Variants in ZNF407 observed in about 807,000 individuals in gnomAD.
The protein encoded by ZNF407 is zinc finger protein 407.
ZNF407 carries 17 observed loss-of-function variants against 131.2 expected under a neutral mutation model. The ratio of observed to expected loss-of-function variants is 0.13; its 90% CI spans 0.09 to 0.19. The LOEUF (loss-of-function observed/expected upper bound fraction) is 0.19, where lower values mean the gene tolerates loss of function less well. ZNF407 is among the 10% of genes least tolerant of loss of function. The pLI is 1.00. For missense variants in ZNF407, 2,681 were observed against 2,830.6 expected (o/e 0.95, Z 1.20); for synonymous variants, 1,156 against 1,062.0 (o/e 1.09, Z -1.72).
At chr18:74,609,160 G>A (rs1392114722) in intron 1 of ZNF407, among the ~76,000 whole-genome samples, 3 of 152,188 alleles carry the variant, frequency 2.0e-5, no homozygotes, top group Non-Finnish European at 4.4e-5. Flanking sequence ...CAATCAATCA[G>A]TATTGAATTG....
At position 74,632,581 on chromosome 18, in the gene ZNF407, C is replaced by G. The variant is rs1421486765; in HGVS notation, c.1562C>G (p.Ala521Gly). ...SGLHSLTVKP[A>G]SGSQTLCACT... The stretch of plus-strand genomic sequence containing the variant: ...CTGCATTCCCTGACAGTGAAGCCAG[C>G]TTCTGGCTCTCAGACGTTGTGTGCT... Residue 521 changes from alanine to glycine, a missense_variant, in exon 2 of 9, where the codon GCT becomes GGT. Physicochemically the swap from Ala to Gly is moderately conservative, Grantham distance 60. Transcript: ENST00000299687. 1.2e-6 allele frequency: 2 copies of G among 1,613,916 alleles called. No individual in the cohort carries two copies. Among genetic ancestry groups the G allele is most frequent in the Non-Finnish European group, 8.5e-7 (1 of 1,179,908 alleles).
chr18:74,986,853 CTTAG>C (rs1005829445), intron 8 of ZNF407, among the ~76,000 whole-genome samples: 2 of 151,934 alleles, frequency 1.3e-5, no homozygotes, highest in African/African-American at 4.8e-5. Context: ...TATTTTTTCT[CTTAG>C]TTATATTATT....
At chr18:74,761,398 A>G (rs1221798311) in intron 3 of ZNF407, among the ~76,000 whole-genome samples, 1 of 152,066 alleles carries the variant, frequency 6.6e-6, no homozygotes, top group Admixed American at 6.6e-5. Context: ...ATTTTAGCTT[A>G]TATTAGCCCT....
At chr18:74,616,121 C>T (rs1983279822) in intron 1 of ZNF407, among the ~76,000 whole-genome samples, 1 of 152,154 alleles carries the variant, frequency 6.6e-6, no homozygotes, top group South Asian at 2.1e-4. Flanking sequence ...ATTCAGCATA[C>T]ATTAACCAGT....
chr18:74,841,595 C>T (rs1053856535), intron 4 of ZNF407, among the ~76,000 whole-genome samples: 8 of 152,184 alleles, frequency 5.3e-5, no homozygotes, highest in East Asian at 1.9e-4. Context: ...GTGACTGCTA[C>T]GTAAAAGGCC....
At chr18:74,870,815 A>G (rs1040132472) in intron 4 of ZNF407, among the ~76,000 whole-genome samples, 3 of 152,180 alleles carry the variant, frequency 2.0e-5, no homozygotes, top group African/African-American at 7.2e-5. Flanking sequence ...TTTATTTTCC[A>G]TCTAACGTTG....
chr18:74,885,173 A>G (rs1000948615), intron 6 of ZNF407, among the ~76,000 whole-genome samples: 2 of 152,176 alleles, frequency 1.3e-5, no homozygotes, highest in East Asian at 1.9e-4. Context: ...TAATCATAAT[A>G]GTATCTTGGG....
At chr18:74,643,408 A>G (rs1189972609) in intron 3 of ZNF407, among the ~76,000 whole-genome samples, 2 of 152,054 alleles carry the variant, frequency 1.3e-5, no homozygotes, top group Non-Finnish European at 2.9e-5. Context: ...TTTGTCACAA[A>G]CAGAAGGTCC....
chr18:74,728,965 T>C (rs1231615228), intron 3 of ZNF407, among the ~76,000 whole-genome samples: 2 of 152,238 alleles, frequency 1.3e-5, no homozygotes, highest in Admixed American at 6.5e-5. Context: ...GTCACTGTTA[T>C]GTCAGCAGCT....
At chr18:74,945,366 G>A (rs887076686) in intron 8 of ZNF407, among the ~76,000 whole-genome samples, 162 of 152,218 alleles carry the variant, frequency 1.1e-3, no homozygotes, top group African/African-American at 3.9e-3. Flanking sequence ...ACATTTTTCT[G>A]TTGATGTTTC....
intron 3 of ZNF407, among the ~76,000 whole-genome samples, chr18:74,706,940 C>CCTTTTT (rs1967637808): frequency 2.3e-5 from 3 of 132,350 alleles, no homozygotes; most frequent in Non-Finnish European, 4.8e-5. Context: ...AAGACAGCAG[C>CCTTTTT]TTTTTTTTTT....
At position 74,757,883 on chromosome 18, in the gene ZNF407, C is replaced by T. The variant is rs181622294; in HGVS notation, c.4803-23545C>T. Among the ~76,000 whole-genome samples the T allele has an allele frequency of 3.1e-3, 470 of 152,166 alleles. 5 individuals are homozygous for T. Among genetic ancestry groups the T allele is most frequent in the East Asian group, 3.3e-3 (17 of 5,188 alleles). The stretch of plus-strand genomic sequence containing the variant: ...ACTTTTTGTTATAAATGTTCTCCCC[C>T]GTTTTTTGGCTTCTAGTAACAATCT... On this transcript the variant is annotated intron_variant, in intron 3 of 8. Transcript: ENST00000299687.
At chr18:74,849,392 C>A (rs1482497562) in intron 4 of ZNF407, among the ~76,000 whole-genome samples, 1 of 151,992 alleles carries the variant, frequency 6.6e-6, no homozygotes, top group Non-Finnish European at 1.5e-5. Flanking sequence ...CTTTGCTTTT[C>A]TAAGCACAGC....
At chr18:74,683,638 A>G in intron 3 of ZNF407, among the ~76,000 whole-genome samples, 1 of 152,194 alleles carries the variant, frequency 6.6e-6, no homozygotes, top group East Asian at 1.9e-4. Context: ...ACACTTGTAG[A>G]ACATACAAAC....
chr18:74,728,659 G>T (rs548272927), intron 3 of ZNF407, among the ~76,000 whole-genome samples: 30 of 152,300 alleles, frequency 2.0e-4, no homozygotes, highest in African/African-American at 7.2e-4. Flanking sequence ...AGTGCCTGAG[G>T]CTTGTGAGGA....
Position 74,677,416 on chromosome 18 carries a change from G to A in ZNF407, c.4802+36294G>A, listed in dbSNP as rs118082160. ...ATCTTTTAATTTATTCTAAATCTTT[G>A]AGGTATTTGTGATAGAATTCCTTCT... On this transcript the variant is annotated intron_variant, in intron 3 of 8. Coordinates refer to ENST00000299687, the MANE Select transcript of ZNF407 (RefSeq NM_017757.3). Among the ~76,000 whole-genome samples the A allele has an allele frequency of 5.8e-4, 89 of 152,194 alleles. 1 individual carries two copies. In the East Asian group the frequency reaches 0.017, roughly 29 times the overall value.
At chr18:74,750,075 T>C (rs912533160) in intron 3 of ZNF407, among the ~76,000 whole-genome samples, 6 of 152,206 alleles carry the variant, frequency 3.9e-5, no homozygotes, top group Non-Finnish European at 8.8e-5. Context: ...TTGGCACATA[T>C]GTAAGCTTCT....
intron 8 of ZNF407, among the ~76,000 whole-genome samples, chr18:74,994,848 GAC>G (rs1972761789): frequency 1.3e-5 from 2 of 152,168 alleles, no homozygotes; most frequent in Non-Finnish European, 2.9e-5. Context: ...TGACTTTGAA[GAC>G]AGAGTTGAGA....
rs1306951194 is a variant in ZNF407, at chr18:74,635,334, A to G, written c.4315A>G (p.Thr1439Ala). Residue 1439 changes from threonine (T) to alanine (A), a missense_variant, in exon 2 of 9, where the codon ACA becomes GCA. By Grantham distance (58) the Thr-to-Ala change is moderately conservative. Around this residue, in one of 6 missense-constraint regions of ZNF407, gnomAD observed 1,789 missense variants for 1,748.7 expected, o/e 1.02. Coordinates refer to ENST00000299687, the MANE Select transcript of ZNF407 (RefSeq NM_017757.3). The surrounding 1 kb of genome is among the most constrained non-coding windows in gnomAD (Gnocchi z 4.7). ...TGTTCACATAGCCATGAAGCATCCT[A>G]CAAAAGAGAAGCACTTCCATTGTTT... The part of the protein sequence containing the change: ...LNVHIAMKHP[T>A]KEKHFHCLLC... 3 of 1,614,012 alleles carry G rather than the reference A, an allele frequency of 1.9e-6. No homozygotes were observed. The highest frequency in any genetic ancestry group is 1.7e-5 in the Admixed American group (1 of 60,020).
Sources: gnomAD v4.1 joint callset for allele counts (sites outside exome capture counted in the v4.1 genomes callset) on GRCh38, gnomAD v4.1.1 for gene constraint, gnomAD v4.1.1 regional missense constraint, Gnocchi (gnomAD v3.1) non-coding constraint, MANE v1.5 for transcripts, NCBI Gene and HGNC (gene_info 2026-07-23, HGNC 2026-07-21) for gene names.